Variants in RBMS2 observed in about 807,000 individuals in gnomAD.
RBMS2 encodes the protein RNA-binding motif, single-stranded-interacting protein 2.
Under a neutral mutation model 58.4 loss-of-function variants are expected in RBMS2, and 38 were observed. That is an observed-to-expected ratio of 0.65 (90% CI 0.50 to 0.85). RBMS2 has a LOEUF of 0.85. Ranked by LOEUF, RBMS2 falls within the 40% of genes least tolerant of loss-of-function variation. The pLI, the probability that RBMS2 is intolerant of heterozygous loss-of-function variation, is 0.00. For synonymous variants in RBMS2, 151 were observed against 180.7 expected (o/e 0.84, Z 1.32); for missense variants, 367 against 503.7 (o/e 0.73, Z 2.60).
At chr12:56,557,769 G>T (rs1232610272) in intron 1 of RBMS2, among the ~76,000 whole-genome samples, 1 of 143,474 alleles carries the variant, frequency 7.0e-6, no homozygotes, top group Non-Finnish European at 1.5e-5. Context: ...ACGGAGTTTC[G>T]CTCTTGTTGC....
At chr12:56,580,348 T>C in intron 5 of RBMS2, 1 of 390,984 alleles carries the variant, frequency 2.6e-6, no homozygotes, top group Non-Finnish European at 5.0e-6. Context: ...TTCTCTCACC[T>C]CTGCCTCCTG....
chr12:56,586,748 T>C, intron 9 of RBMS2, 101 bp from the exon 10 acceptor site: 1 of 881,762 alleles, frequency 1.1e-6, no homozygotes, highest in Non-Finnish European at 1.9e-6. Context: ...CTATTTTGAG[T>C]GGGGCATTCA....
At chr12:56,546,694 C>T (rs1440429188) in intron 1 of RBMS2, among the ~76,000 whole-genome samples, 1 of 151,888 alleles carries the variant, frequency 6.6e-6, no homozygotes, top group Non-Finnish European at 1.5e-5. Flanking sequence ...GTCTTAAACT[C>T]CTGGCCTCAA....
chr12:56,539,378 T>C (rs7131699), intron 1 of RBMS2, among the ~76,000 whole-genome samples: 60,256 of 152,004 alleles, frequency 0.4, 13,545 homozygotes, highest in East Asian at 0.55. Flanking sequence ...GATATTGCCT[T>C]TCTGTTATAG....
intron 1 of RBMS2, among the ~76,000 whole-genome samples, chr12:56,534,156 C>T (rs538107578): frequency 6.6e-6 from 1 of 151,558 alleles, no homozygotes; most frequent in South Asian, 2.1e-4. Context: ...TGTGTTTTCA[C>T]GATTCATTCA....
chr12:56,538,301 T>C (rs765779577), intron 1 of RBMS2, among the ~76,000 whole-genome samples: 16 of 151,668 alleles, frequency 1.1e-4, no homozygotes, highest in Non-Finnish European at 1.9e-4. Context: ...CCAAAGTGCC[T>C]GGAATTACAG....
intron 5 of RBMS2, among the ~76,000 whole-genome samples, chr12:56,576,946 T>A (rs916110886): frequency 6.9e-6 from 1 of 145,822 alleles, no homozygotes; most frequent in Non-Finnish European, 1.5e-5. Context: ...GAGGCTGAGG[T>A]GAGAGAATCA....
intron 1 of RBMS2, among the ~76,000 whole-genome samples, chr12:56,522,508 CAT>C (rs1375083143): frequency 6.6e-6 from 1 of 152,106 alleles, no homozygotes; most frequent in Non-Finnish European, 1.5e-5. Flanking sequence ...CCCTCCTACC[CAT>C]ACCACCAGTA....
In RBMS2 at chr12:56,562,450, C is replaced by T; in HGVS notation, c.100C>T (p.Pro34Ser). Residue 34 changes from proline to serine, a missense_variant, in exon 2 of 14, where the codon CCT (proline) becomes TCT (serine). Pro to Ser is a moderately conservative substitution (Grantham distance 74). Transcript: ENST00000262031. ...GTCATTGGCTCAGCAGATGGCACCA[C>T]CTAGCCCAAGCAACAGTACACCTAA... ...YVSLAQQMAP[P>S]SPSNSTPNSS... is the part of the protein sequence containing the mutation. 1 of 1,609,490 alleles carries T rather than the reference C, an allele frequency of 6.2e-7. No homozygotes were observed. Among genetic ancestry groups the T allele is most frequent in the East Asian group, 2.2e-5 (1 of 44,852 alleles).
chr12:56,590,949 C>T lies in RBMS2; in HGVS notation c.*1816C>T, dbSNP rs1010842065. ...TAGCAAAGAGCAATAAATTCCAACT[C>T]TTTATGAGGTCAGGAGTCCTTTAAA... On this transcript the variant is annotated 3_prime_UTR_variant, in exon 14 of 14. Transcript: ENST00000262031. 9 of 152,186 alleles carry T rather than the reference C, an allele frequency of 5.9e-5. No individual in the cohort carries two copies. The highest frequency in any genetic ancestry group is 2.2e-4 in the African/African-American group (9 of 41,422). The allele number at this position is 152,186 out of a possible 1,614,324, so 9.4% of individuals were successfully genotyped here. A position where few individuals can be genotyped will look rare whatever the true frequency, so the allele number is the denominator to read the frequency against.
intron 1 of RBMS2, among the ~76,000 whole-genome samples, chr12:56,551,254 T>G (rs1878227292): frequency 6.6e-6 from 1 of 152,170 alleles, no homozygotes. Flanking sequence ...CTCATAACCT[T>G]GGTTTATGCT....
At chr12:56,542,546 G>GTTTTTTTTTTTTTTTTTTTTT (rs1876320237) in intron 1 of RBMS2, among the ~76,000 whole-genome samples, 1 of 119,734 alleles carries the variant, frequency 8.4e-6, no homozygotes, top group African/African-American at 3.2e-5. Context: ...TTTTTTTCTT[G>GTTTTTTTTTTTTTTTTTTTTT]TTTTTCTTTT....
At chr12:56,571,189 G>C (rs1278145052) in intron 4 of RBMS2, among the ~76,000 whole-genome samples, 2 of 152,214 alleles carry the variant, frequency 1.3e-5, no homozygotes, top group Admixed American at 6.5e-5. Flanking sequence ...GGAGACTGTA[G>C]CTTTCAGGGC....
intron 2 of RBMS2, among the ~76,000 whole-genome samples, chr12:56,565,772 T>G (rs1163642150): frequency 6.6e-6 from 1 of 152,068 alleles, no homozygotes; most frequent in Non-Finnish European, 1.5e-5. Context: ...CTCCCTGGGT[T>G]GTAGAGGAAG....
Position 56,571,809 on chromosome 12 carries a change from A to G in RBMS2, c.496A>G (p.Ile166Val), listed in dbSNP as rs375595230. Residue 166 changes from isoleucine to valine, a missense_variant, in exon 5 of 14, where the codon ATC (isoleucine) becomes GTC (valine). Physicochemically the swap from Ile to Val is conservative, Grantham distance 29 (BLOSUM62 3). Around this residue, in one of 3 missense-constraint regions of RBMS2, gnomAD observed 54 missense variants for 110.4 expected, o/e 0.49. Coordinates refer to ENST00000262031, the MANE Select transcript of RBMS2 (RefSeq NM_002898.4). Reference protein sequence around the residue: ...KPFGQVISTRILRDTSGTSRG... With the variant: ...KPFGQVISTRVLRDTSGTSRG... ...CTTTGGCCAGGTTATCTCCACCCGT[A>G]TCCTTCGAGATACCAGTGGGACCAG... The G allele has an allele frequency of 7.5e-6, 12 of 1,594,758 alleles. No individual in the cohort carries two copies. Among genetic ancestry groups the G allele is most frequent in the Non-Finnish European group, 1.0e-5 (12 of 1,169,198 alleles).
At chr12:56,557,199 G>C (rs1421889388) in intron 1 of RBMS2, among the ~76,000 whole-genome samples, 3 of 152,124 alleles carry the variant, frequency 2.0e-5, no homozygotes, top group Non-Finnish European at 1.5e-5. Flanking sequence ...GTAAGAATAT[G>C]TCAGTTCCCT....
chr12:56,543,186 C>T (rs969295943), intron 1 of RBMS2, among the ~76,000 whole-genome samples: 1 of 143,874 alleles, frequency 7.0e-6, no homozygotes, highest in African/African-American at 2.5e-5. Context: ...TACTTCATTT[C>T]AAACTGTCCA....
At position 56,590,627 on chromosome 12, in the gene RBMS2, G is replaced by A. The variant is rs1490074557; in HGVS notation, c.*1494G>A. The stretch of plus-strand genomic sequence containing the variant: ...GCCTTTTGACACTCATGCAACTGTT[G>A]GGGAAGGACTGGACTGGGATCCTTG... On this transcript the variant is annotated 3_prime_UTR_variant, in exon 14 of 14. Transcript: ENST00000262031. The A allele has an allele frequency of 6.6e-6, 1 of 152,180 alleles. No homozygotes were observed. Among genetic ancestry groups the A allele is most frequent in the African/African-American group, 2.4e-5 (1 of 41,422 alleles). 9.4% of individuals were successfully genotyped at this position (152,180 alleles called of 1,614,324 possible). A position where few individuals can be genotyped will look rare whatever the true frequency, so the allele number is the denominator to read the frequency against.
intron 5 of RBMS2, among the ~76,000 whole-genome samples, chr12:56,572,312 T>G (rs866301691): frequency 2.0e-5 from 3 of 149,284 alleles, no homozygotes; most frequent in Non-Finnish European, 4.4e-5. Flanking sequence ...AAAAAAAGGT[T>G]CATTTTATTA....
Sources: allele counts gnomAD v4.1 joint callset (sites outside exome capture counted in the v4.1 genomes callset), GRCh38; gene constraint gnomAD v4.1.1; regional missense constraint gnomAD v4.1.1; transcripts MANE v1.5; gene names NCBI Gene and HGNC (gene_info 2026-07-23, HGNC 2026-07-21).